Variants in PLXDC2 observed in about 807,000 individuals in gnomAD.
The protein encoded by PLXDC2 is plexin domain-containing protein 2.
PLXDC2 carries 40 observed loss-of-function variants against 68.9 expected under a neutral mutation model. That is an observed-to-expected ratio of 0.58 (90% CI 0.45 to 0.76). PLXDC2 has a LOEUF of 0.76. Ranked by LOEUF, PLXDC2 falls within the 30% of genes least tolerant of loss-of-function variation. PLXDC2 has a pLI of 0.00. For synonymous variants in PLXDC2, 243 were observed against 234.2 expected, an observed-to-expected ratio of 1.04 and a Z score of -0.34; for missense variants, 644 against 661.9, an observed-to-expected ratio of 0.97 and a Z score of 0.30.
chr10:20,266,887 G>A (rs929639151), intron 13 of PLXDC2, among the ~76,000 whole-genome samples: 4 of 152,084 alleles, frequency 2.6e-5, no homozygotes, highest in African/African-American at 7.2e-5. Flanking sequence ...GAATAAATGC[G>A]TTATCTAAAA....
At chr10:20,223,682 T>A (rs1332944008) in intron 12 of PLXDC2, among the ~76,000 whole-genome samples, 3 of 152,162 alleles carry the variant, frequency 2.0e-5, no homozygotes, top group African/African-American at 7.2e-5. Context: ...CCTACTATAG[T>A]TCACCTTTTC....
intron 3 of PLXDC2, among the ~76,000 whole-genome samples, chr10:20,064,380 C>G (rs1409274349): frequency 6.6e-6 from 1 of 151,956 alleles, no homozygotes; most frequent in Non-Finnish European, 1.5e-5. Flanking sequence ...ACCACCACGC[C>G]CATCTAATTT....
intron 4 of PLXDC2, among the ~76,000 whole-genome samples, chr10:20,088,904 C>T (rs1833236955): frequency 6.6e-6 from 1 of 152,262 alleles, no homozygotes; most frequent in East Asian, 1.9e-4. Flanking sequence ...TACTGCATAT[C>T]ATTTTTCCTC....
chr10:20,104,127 G>T (rs988400644), intron 4 of PLXDC2, among the ~76,000 whole-genome samples: 1 of 152,078 alleles, frequency 6.6e-6, no homozygotes, highest in Non-Finnish European at 1.5e-5. Flanking sequence ...GAACATAGGT[G>T]GTAGATTTGA....
chr10:20,099,010 A>G (rs1211644987), intron 4 of PLXDC2, among the ~76,000 whole-genome samples: 1 of 152,202 alleles, frequency 6.6e-6, no homozygotes, highest in Non-Finnish European at 1.5e-5. Context: ...AATTGAAATA[A>G]GAAGATAATT....
chr10:20,217,698 A>C (rs1041024396), intron 11 of PLXDC2, 122 bp downstream of exon 11: 8 of 1,166,050 alleles, frequency 6.9e-6, no homozygotes, highest in African/African-American at 1.8e-5. Context: ...CTCTAAAGTT[A>C]TTCTTTGGCA....
chr10:19,909,378 A>G (rs1362584488), intron 1 of PLXDC2, among the ~76,000 whole-genome samples: 7 of 152,176 alleles, frequency 4.6e-5, no homozygotes, highest in Non-Finnish European at 1.5e-5. Flanking sequence ...GAGACATACC[A>G]CCTCAGCATT....
chr10:20,114,330 C>T (rs1041005723), intron 4 of PLXDC2, among the ~76,000 whole-genome samples: 2 of 152,206 alleles, frequency 1.3e-5, no homozygotes, highest in Admixed American at 6.5e-5. Context: ...GCTTTTCTCT[C>T]TACTTTAGCC....
At chr10:19,827,455 A>T (rs897423168) in intron 1 of PLXDC2, among the ~76,000 whole-genome samples, 38 of 152,174 alleles carry the variant, frequency 2.5e-4, no homozygotes, top group African/African-American at 8.7e-4. Flanking sequence ...GTCATTTTGT[A>T]AATAATTCAA....
intron 4 of PLXDC2, among the ~76,000 whole-genome samples, chr10:20,076,310 G>C (rs1459274504): frequency 6.6e-6 from 1 of 152,164 alleles, no homozygotes; most frequent in Non-Finnish European, 1.5e-5. Context: ...TAGGCTTCCA[G>C]GTTAAGATAA....
chr10:20,056,352 A>G (rs908009775), intron 3 of PLXDC2, among the ~76,000 whole-genome samples: 1 of 152,136 alleles, frequency 6.6e-6, no homozygotes, highest in Non-Finnish European at 1.5e-5. Flanking sequence ...ATTTCTCTGC[A>G]TGCCTGGGAA....
At chr10:20,016,036 G>A (rs184556731) in intron 2 of PLXDC2, among the ~76,000 whole-genome samples, 2 of 152,268 alleles carry the variant, frequency 1.3e-5, no homozygotes, top group East Asian at 1.9e-4. Context: ...TAAGTGAAAG[G>A]GCCTCTCTAT....
chr10:20,216,271 T>C (rs1007951725), intron 10 of PLXDC2, among the ~76,000 whole-genome samples: 16 of 152,112 alleles, frequency 1.1e-4, no homozygotes, highest in African/African-American at 2.7e-4. Context: ...CAGGGATAGA[T>C]GGAAAAAGGA....
intron 3 of PLXDC2, among the ~76,000 whole-genome samples, chr10:20,048,824 T>C (rs980525967): frequency 1.5e-4 from 23 of 152,130 alleles, no homozygotes; most frequent in Non-Finnish European, 7.4e-5. Flanking sequence ...TAGGTTTTAC[T>C]TGGTTGCCTT....
intron 4 of PLXDC2, among the ~76,000 whole-genome samples, chr10:20,137,627 T>G (rs1589648256): frequency 6.6e-6 from 1 of 152,244 alleles, no homozygotes; most frequent in Admixed American, 6.5e-5. Context: ...AGGTCTTTTC[T>G]TCCTCAACCT....
chr10:20,071,718 A>G (rs948983990), intron 4 of PLXDC2, among the ~76,000 whole-genome samples: 5 of 152,348 alleles, frequency 3.3e-5, no homozygotes, highest in Non-Finnish European at 5.9e-5. Context: ...CGAATAAGCA[A>G]TAGAGAAGGC....
chr10:20,243,583 T>C (rs373417390), intron 12 of PLXDC2, among the ~76,000 whole-genome samples: 1 of 152,192 alleles, frequency 6.6e-6, no homozygotes, highest in Non-Finnish European at 1.5e-5. Flanking sequence ...TTCTCCACTT[T>C]ATCTGGAATT....
intron 1 of PLXDC2, among the ~76,000 whole-genome samples, chr10:19,985,455 C>T (rs2131623275): frequency 1.3e-5 from 2 of 152,254 alleles, no homozygotes; most frequent in African/African-American, 4.8e-5. Flanking sequence ...TTTCTTATTT[C>T]CACTTAGAGA....
At chr10:19,972,215 C>T (rs573748680) in intron 1 of PLXDC2, among the ~76,000 whole-genome samples, 1 of 152,264 alleles carries the variant, frequency 6.6e-6, no homozygotes, top group South Asian at 2.1e-4. Context: ...CAGTGTTGGA[C>T]TGGATAAAGG....
Sources: gnomAD v4.1 joint callset for allele counts (sites outside exome capture counted in the v4.1 genomes callset) on GRCh38, gnomAD v4.1.1 for gene constraint, MANE v1.5 for transcripts, NCBI Gene and HGNC (gene_info 2026-07-23, HGNC 2026-07-21) for gene names.